Variants in UPB1 observed in about 807,000 individuals in gnomAD.
The protein encoded by UPB1 is beta-ureidopropionase.
Under a neutral mutation model 49.1 loss-of-function variants are expected in UPB1, and 40 were observed. The ratio of observed to expected loss-of-function variants is 0.81; its 90% CI spans 0.63 to 1.06. The LOEUF (loss-of-function observed/expected upper bound fraction) is 1.06. Ranked by LOEUF, UPB1 falls within the 50% of genes least tolerant of loss-of-function variation. UPB1 has a pLI of 0.00. For missense variants in UPB1, 499 were observed against 505.9 expected (o/e 0.99, Z 0.13); for synonymous variants, 207 against 198.2 (o/e 1.04, Z -0.38).
At chr22:24,503,882 G>C (rs1342074180) in intron 3 of UPB1, 2 of 152,240 alleles carry the variant, frequency 1.3e-5, no homozygotes, top group African/African-American at 4.8e-5. Context: ...TGTTGAATTT[G>C]CACCTTCCAT....
chr22:24,501,160 G>T (rs1200254722), intron 2 of UPB1, among the ~76,000 whole-genome samples: 1 of 152,172 alleles, frequency 6.6e-6, no homozygotes, highest in Admixed American at 6.5e-5. Context: ...GGGCCTAGAA[G>T]TATGCTTTGC....
rs953674926 is a variant in UPB1 at position 24,523,848 on chromosome 22, C to T, written c.1071+75C>T. On this transcript the variant is annotated intron_variant, in intron 9 of 9. Coordinates refer to ENST00000326010, the MANE Select transcript of UPB1 (RefSeq NM_016327.3). ...ATCCTGCTCTCAGGAACTGCTGTTG[C>T]GGGGTTGCCCATGGCAGCATGAGGT... 7 of 1,605,884 alleles carry T rather than the reference C, an allele frequency of 4.4e-6. No homozygotes were observed. In the South Asian group the frequency reaches 5.5e-5, roughly 13 times the overall value.
In UPB1 at chr22:24,495,518, A is replaced by G; in HGVS notation, c.104+11A>G. 6.2e-7 allele frequency: 1 copy of G among 1,613,798 alleles called. No individual in the cohort carries two copies. Among genetic ancestry groups the G allele is most frequent in the East Asian group, 2.2e-5 (1 of 44,880 alleles). On this transcript the variant is annotated intron_variant, in intron 1 of 9. Coordinates refer to ENST00000326010, the MANE Select transcript of UPB1 (RefSeq NM_016327.3). ...TGGCAAGGAACTCAGGTCCGCAGCC[A>G]AGAGGCTAAGCTAATGGGGTCTTGG...
At chr22:24,502,610 T>G (rs1174386174) in intron 3 of UPB1, 1 of 706,570 alleles carries the variant, frequency 1.4e-6, no homozygotes, top group Non-Finnish European at 2.6e-6. Context: ...TGTACCTTTG[T>G]GGTTTTTATT....
intron 3 of UPB1, chr22:24,503,548 T>G (rs2044032652): frequency 8.6e-6 from 1 of 116,434 alleles, no homozygotes; most frequent in Non-Finnish European, 1.9e-5. Flanking sequence ...TGGACACAGT[T>G]TCCAGATCTA....
At chr22:24,515,414 C>A (rs2044278564) in intron 6 of UPB1, 44 bp downstream of exon 6, 1 of 1,613,432 alleles carries the variant, frequency 6.2e-7, no homozygotes, top group Non-Finnish European at 8.5e-7. Flanking sequence ...GGGGCCCAGC[C>A]AGCTAAAGCC....
At chr22:24,496,741 C>G (rs1402195698) in intron 1 of UPB1, among the ~76,000 whole-genome samples, 1 of 152,134 alleles carries the variant, frequency 6.6e-6, no homozygotes, top group African/African-American at 2.4e-5. Context: ...GCTGGAAAAC[C>G]TGGATATTCA....
chr22:24,496,372 AACACACACACACACAC>A (rs60159909), intron 1 of UPB1, among the ~76,000 whole-genome samples: 2 of 141,528 alleles, frequency 1.4e-5, no homozygotes, highest in Non-Finnish European at 3.1e-5. Context: ...CCCTGTCTCA[AACACACACACACACAC>A]ACACACACAC....
chr22:24,502,492 G>T, intron 3 of UPB1: 1 of 780,388 alleles, frequency 1.3e-6, no homozygotes. Flanking sequence ...CTCACCTCTG[G>T]CTTTTGTAAT....
chr22:24,507,877 C>T (rs1245519522), intron 3 of UPB1, among the ~76,000 whole-genome samples: 5 of 151,970 alleles, frequency 3.3e-5, no homozygotes, highest in African/African-American at 7.3e-5. Flanking sequence ...AGATTTTTTG[C>T]GGGCTACTTG....
rs371866039 is a variant in UPB1, at chr22:24,513,403, C to T, written c.539C>T (p.Thr180Ile). 37 of 1,614,080 alleles carry T rather than the reference C, an allele frequency of 2.3e-5. No homozygotes were observed. The highest frequency in any genetic ancestry group is 6.7e-5 in the Admixed American group (4 of 60,004). The change falls in exon 5 of 10, where the codon ACA becomes ATA. Residue 180 changes from threonine to isoleucine, a missense_variant. By Grantham distance (89) the Thr-to-Ile change is moderately conservative. Coordinates refer to ENST00000326010, the MANE Select transcript of UPB1 (RefSeq NM_016327.3). ...GAGCATGGGGATGTTTTGTGGAATA[C>T]AGCCGTGGTGATCTCCAATTCCGGA... Reference protein sequence around the residue: ...DSEHGDVLWNTAVVISNSGAV... With the variant: ...DSEHGDVLWNIAVVISNSGAV...
At chr22:24,515,869 G>A (rs920101877) in intron 6 of UPB1, among the ~76,000 whole-genome samples, 1 of 152,178 alleles carries the variant, frequency 6.6e-6, no homozygotes, top group African/African-American at 2.4e-5. Context: ...CCAGCTACTC[G>A]GGAGGCTGAG....
At position 24,513,490 on chromosome 22, in the gene UPB1, G is replaced by C. The variant is rs1267742961; in HGVS notation, c.621+5G>C. 1.2e-6 allele frequency: 2 copies of C among 1,613,502 alleles called. No individual in the cohort carries two copies. The highest frequency in any genetic ancestry group is 2.7e-5 in the African/African-American group (2 of 75,014). Reference sequence around the variant, plus strand: ...AGAGTGGGTGATTTCAACGAGGTGAGCCACCCATAAGATAGATAACCAGCC... The same window carrying C: ...AGAGTGGGTGATTTCAACGAGGTGACCCACCCATAAGATAGATAACCAGCC... On this transcript the variant is annotated splice_donor_5th_base_variant and intron_variant, in intron 5 of 9. Transcript: ENST00000326010.
intron 2 of UPB1, 85 bp from the exon 3 acceptor site, chr22:24,502,041 A>AT: frequency 1.4e-6 from 2 of 1,427,712 alleles, no homozygotes; most frequent in Non-Finnish European, 2.0e-6. Flanking sequence ...GTGGGCATTG[A>AT]TTTTTCCATA....
chr22:24,524,741 C>T (rs1018870025), intron 9 of UPB1, among the ~76,000 whole-genome samples: 3 of 152,334 alleles, frequency 2.0e-5, no homozygotes, highest in South Asian at 2.1e-4. Flanking sequence ...CCTCGCACCT[C>T]GGGCTCCCAA....
At chr22:24,499,920 A>C (rs2043959952) in intron 1 of UPB1, among the ~76,000 whole-genome samples, 187 bp from the exon 2 acceptor site, 1 of 152,200 alleles carries the variant, frequency 6.6e-6, no homozygotes, top group Non-Finnish European at 1.5e-5. Flanking sequence ...GTCCAGGTTC[A>C]GTGTAGTGTT....
intron 3 of UPB1, among the ~76,000 whole-genome samples, chr22:24,509,073 A>G (rs2044144556): frequency 6.6e-6 from 1 of 152,174 alleles, no homozygotes; most frequent in Admixed American, 6.5e-5. Flanking sequence ...TGGCCAGTGA[A>G]TGTGTGGTGA....
At chr22:24,501,711 A>T (rs540123888) in intron 2 of UPB1, among the ~76,000 whole-genome samples, 1 of 152,206 alleles carries the variant, frequency 6.6e-6, no homozygotes, top group Non-Finnish European at 1.5e-5. Context: ...TGCACACAGG[A>T]TAAGTAGGAT....
intron 3 of UPB1, chr22:24,502,626 C>G: frequency 1.5e-6 from 1 of 684,606 alleles, no homozygotes; most frequent in South Asian, 1.7e-5. Context: ...TTATTTTTAT[C>G]AGAGTTTTAC....
Sources: allele counts gnomAD v4.1 joint callset (sites outside exome capture counted in the v4.1 genomes callset), GRCh38; gene constraint gnomAD v4.1.1; transcripts MANE v1.5; gene names NCBI Gene and HGNC (gene_info 2026-07-23, HGNC 2026-07-21).